Variants in HDGFL2 observed in about 807,000 individuals in gnomAD.
HDGFL2 encodes HDGF like 2.
HDGFL2 carries 36 observed loss-of-function variants against 77.1 expected under a neutral mutation model. That is an observed-to-expected ratio of 0.47 (90% CI 0.36 to 0.62). The LOEUF (loss-of-function observed/expected upper bound fraction) is 0.62. Among genes scored for constraint, HDGFL2 ranks in the 20% least tolerant of loss-of-function variants. The pLI is 0.00. For missense variants in HDGFL2, 976 were observed against 973.4 expected (o/e 1.00, Z -0.04); for synonymous variants, 463 against 413.1 (o/e 1.12, Z -1.46).
At chr19:4,496,496 T>A (rs187214831) in intron 10 of HDGFL2, 91 bp downstream of exon 10, 36 of 975,782 alleles carry the variant, frequency 3.7e-5, no homozygotes, top group Admixed American at 1.2e-4. Context: ...GCCCCACCTC[T>A]GAGTTCAGCC....
chr19:4,492,839 GGT>G (rs1491336864), intron 6 of HDGFL2, among the ~76,000 whole-genome samples: 2 of 148,488 alleles, frequency 1.3e-5, no homozygotes, highest in African/African-American at 2.5e-5. Flanking sequence ...TTATCTGTGT[GGT>G]GTGTGTGTTG....
intron 3 of HDGFL2, among the ~76,000 whole-genome samples, chr19:4,481,478 C>G (rs1568205960): frequency 6.6e-6 from 1 of 151,972 alleles, no homozygotes; most frequent in Non-Finnish European, 1.5e-5. Flanking sequence ...GCTTGAGCCA[C>G]CGCGCCCGGC....
At chr19:4,500,475 T>TCG (rs1568219232) in intron 14 of HDGFL2, among the ~76,000 whole-genome samples, 1 of 110,496 alleles carries the variant, frequency 9.1e-6, no homozygotes, top group Non-Finnish European at 1.9e-5. Flanking sequence ...TTTTTTTTTT[T>TCG]TTTGAGACGG....
intron 3 of HDGFL2, among the ~76,000 whole-genome samples, chr19:4,487,917 T>G (rs1975403553): frequency 1.3e-5 from 2 of 151,760 alleles, no homozygotes. Context: ...CTAGCTTGGC[T>G]TCTTCCTCCT....
At chr19:4,475,159 C>T in intron 1 of HDGFL2, 116 bp from the exon 2 acceptor site, 1 of 803,080 alleles carries the variant, frequency 1.2e-6, no homozygotes, top group Non-Finnish European at 2.0e-6. Flanking sequence ...CTGCTGCTTC[C>T]TGGGTTGAAG....
rs199810555 is a variant in HDGFL2, at chr19:4,489,611, C to G, written c.489+735C>G. 3.4e-4 allele frequency among the ~76,000 whole-genome samples: 52 copies of G among 152,206 alleles called. 1 individual carries two copies. In the East Asian group the frequency reaches 9.5e-3, roughly 28 times the overall value. ...TAGAGACAGGGTTTCACCATGTTGG[C>G]CAGGCTGGTCTTGATCTCCTGACCT... On this transcript the variant is annotated intron_variant, in intron 4 of 15. Coordinates refer to ENST00000616600, the MANE Select transcript of HDGFL2 (RefSeq NM_001001520.3).
intron 7 of HDGFL2, 57 bp from the exon 8 acceptor site, chr19:4,493,925 C>A (rs1272201033): frequency 7.1e-6 from 11 of 1,550,450 alleles, no homozygotes; most frequent in South Asian, 1.2e-5. Context: ...CCAGGCAGTC[C>A]CCTGGTCACC....
chr19:4,499,719 G>C lies in HDGFL2; in HGVS notation c.1789+15G>C. ...GCCCAGCACCGGTGAGGGGCGGGTG[G>C]GGTGGGCCCTGTACCTCAGTCTCCT... On this transcript the variant is annotated intron_variant, in intron 14 of 15. Transcript: ENST00000616600. The C allele has an allele frequency of 6.5e-7, 1 of 1,529,884 alleles. No homozygotes were observed. The highest frequency in any genetic ancestry group is 8.8e-7 in the Non-Finnish European group (1 of 1,130,636). 94.8% of individuals were successfully genotyped at this position (1,529,884 alleles called of 1,614,324 possible). A position where few individuals can be genotyped will look rare whatever the true frequency, so the allele number is the denominator to read the frequency against.
Position 4,478,721 on chromosome 19 carries a change from G to A in HDGFL2, c.288+3138G>A, listed in dbSNP as rs141328013. Among the ~76,000 whole-genome samples, 961 of 151,362 alleles carry A rather than the reference G, an allele frequency of 6.3e-3. 16 individuals are homozygous for A. The highest frequency in any genetic ancestry group is 0.036 in the South Asian group (174 of 4,780). ...TTTTCAGACGGTGTCTCACTCTCTCGCCCAGGCTGGAGTGCAGTGGTGCGA... is the reference window on the plus strand; with the variant it reads ...TTTTCAGACGGTGTCTCACTCTCTCACCCAGGCTGGAGTGCAGTGGTGCGA... On this transcript the variant is annotated intron_variant, in intron 3 of 15. Coordinates refer to ENST00000616600, the MANE Select transcript of HDGFL2 (RefSeq NM_001001520.3).
chr19:4,480,576 G>A (rs551723052), intron 3 of HDGFL2, among the ~76,000 whole-genome samples: 1 of 152,324 alleles, frequency 6.6e-6, no homozygotes, highest in African/African-American at 2.4e-5. Flanking sequence ...AAAATTAGCT[G>A]GGCATGGCGG....
At chr19:4,501,345 A>G in intron 15 of HDGFL2, 28 bp downstream of exon 15, 3 of 1,555,860 alleles carry the variant, frequency 1.9e-6, no homozygotes, top group African/African-American at 1.4e-5. Context: ...TGGGGTTTGG[A>G]CTCCTGAGCG....
chr19:4,475,956 C>G (rs1007380436), intron 3 of HDGFL2, among the ~76,000 whole-genome samples: 1 of 150,186 alleles, frequency 6.7e-6, no homozygotes, highest in African/African-American at 2.5e-5. Flanking sequence ...GTGGCGCGAT[C>G]TCGGCTCACT....
At chr19:4,486,972 C>CT (rs374433934) in intron 3 of HDGFL2, among the ~76,000 whole-genome samples, 12,013 of 148,078 alleles carry the variant, frequency 0.081, 530 homozygotes, top group African/African-American at 0.13. Context: ...CTCTCTCTCT[C>CT]TTTTTTTTTT....
Position 4,502,162 on chromosome 19 carries a change from T to A in HDGFL2, c.*152T>A, listed in dbSNP as rs1361736018. On this transcript the variant is annotated 3_prime_UTR_variant, in exon 16 of 16. Coordinates refer to ENST00000616600, the MANE Select transcript of HDGFL2 (RefSeq NM_001001520.3). ...TTTTTTCCTGCCTAATTTCTGTGAT[T>A]TCCAACCAACATGAAATGACTATAA... 1.4e-6 allele frequency: 1 copy of A among 694,734 alleles called. No individual in the cohort carries two copies. Among genetic ancestry groups the A allele is most frequent in the Non-Finnish European group, 2.6e-6 (1 of 387,612 alleles). 43.0% of individuals were successfully genotyped at this position (694,734 alleles called of 1,614,324 possible).
chr19:4,483,035 C>A lies in HDGFL2; in HGVS notation c.289-5641C>A, dbSNP rs141533232. Among the ~76,000 whole-genome samples, 35 of 152,338 alleles carry A rather than the reference C, an allele frequency of 2.3e-4. No homozygotes were observed. The East Asian group carries it at 5.4e-3, about 24-fold the overall frequency. On this transcript the variant is annotated intron_variant, in intron 3 of 15. Coordinates refer to ENST00000616600, the MANE Select transcript of HDGFL2 (RefSeq NM_001001520.3). The stretch of plus-strand genomic sequence containing the variant: ...ATGCTCCAAAGAGAAACCCCAGGTA[C>A]GCGAGCCCTTCCCCAAAGGCTCTGT...
chr19:4,489,380 G>T (rs1343347368), intron 4 of HDGFL2, among the ~76,000 whole-genome samples: 2 of 151,542 alleles, frequency 1.3e-5, no homozygotes, highest in Non-Finnish European at 2.9e-5. Context: ...AGCCTCCCCA[G>T]TAGCTGGGAT....
At chr19:4,484,568 C>G (rs1030191495) in intron 3 of HDGFL2, among the ~76,000 whole-genome samples, 1 of 151,550 alleles carries the variant, frequency 6.6e-6, no homozygotes, top group South Asian at 2.1e-4. Context: ...GGTGCGATCT[C>G]GGCTCACTGC....
At chr19:4,493,883 C>A in intron 7 of HDGFL2, 21 bp downstream of exon 7, 1 of 1,506,424 alleles carries the variant, frequency 6.6e-7, no homozygotes. Context: ...CGTGCTCGCA[C>A]ATCTCTTGGC....
chr19:4,488,455 G>A (rs918540261), intron 3 of HDGFL2, among the ~76,000 whole-genome samples: 4 of 152,142 alleles, frequency 2.6e-5, no homozygotes, highest in African/African-American at 4.8e-5. Flanking sequence ...CCTGAAGCCC[G>A]CGGCCCGACC....
Sources: allele counts gnomAD v4.1 joint callset (sites outside exome capture counted in the v4.1 genomes callset), GRCh38; gene constraint gnomAD v4.1.1; transcripts MANE v1.5; gene names NCBI Gene and HGNC (gene_info 2026-07-23, HGNC 2026-07-21).